The following PLD3 variants were observed in gnomAD, a reference collection of about 807,000 sequenced individuals.
PLD3 encodes 5'-3' exonuclease PLD3.
In PLD3, 31 loss-of-function variants were observed where a neutral mutation model predicts 58.4. The ratio of observed to expected loss-of-function variants is 0.53; its 90% CI spans 0.40 to 0.72. The LOEUF is 0.72. Among genes scored for constraint, PLD3 ranks in the 30% least tolerant of loss-of-function variants. PLD3 has a pLI of 0.00. For synonymous variants in PLD3, 264 were observed against 273.4 expected (o/e 0.97, Z 0.34); for missense variants, 595 against 659.8 (o/e 0.90, Z 1.08).
At chr19:40,374,064 G>A (rs1279658311) in intron 9 of PLD3, among the ~76,000 whole-genome samples, 1 of 151,886 alleles carries the variant, frequency 6.6e-6, no homozygotes, top group Non-Finnish European at 1.5e-5. Context: ...AGCTGGGCGG[G>A]CTTGTTAAAA....
chr19:40,349,323 G>A (rs1222102173), intron 1 of PLD3, among the ~76,000 whole-genome samples: 6 of 151,934 alleles, frequency 3.9e-5, no homozygotes, highest in Non-Finnish European at 8.8e-5. Flanking sequence ...CTGTTCCTCT[G>A]ACCAGTCACC....
At chr19:40,364,388 C>T (rs893617869) in intron 1 of PLD3, among the ~76,000 whole-genome samples, 6 of 151,710 alleles carry the variant, frequency 4.0e-5, no homozygotes, top group Non-Finnish European at 5.9e-5. Context: ...TGTGGTGGCT[C>T]ATGCCTGTAA....
At chr19:40,377,211 G>A (rs12977914) in intron 11 of PLD3, among the ~76,000 whole-genome samples, 1 of 106,392 alleles carries the variant, frequency 9.4e-6, no homozygotes, top group Non-Finnish European at 2.0e-5. Context: ...GCAGAGGGGT[G>A]AGGGCTGGGG....
chr19:40,359,425 G>A (rs1218982758), intron 1 of PLD3: 1 of 152,148 alleles, frequency 6.6e-6, no homozygotes, highest in African/African-American at 2.4e-5. Context: ...CGCGCTGGGA[G>A]CCCCATGGAG....
intron 1 of PLD3, among the ~76,000 whole-genome samples, chr19:40,363,123 A>G (rs1371446552): frequency 1.3e-5 from 2 of 152,118 alleles, no homozygotes; most frequent in Non-Finnish European, 2.9e-5. Flanking sequence ...TGACGCTGCC[A>G]GCCCTGTTAC....
chr19:40,361,079 C>T (rs1434762975), intron 1 of PLD3, among the ~76,000 whole-genome samples: 1 of 151,676 alleles, frequency 6.6e-6, no homozygotes, highest in Non-Finnish European at 1.5e-5. Flanking sequence ...GCCAGGAGTT[C>T]AAGAGTAGCC....
chr19:40,366,552 G>C, intron 3 of PLD3, 42 bp downstream of exon 3: 1 of 1,593,858 alleles, frequency 6.3e-7, no homozygotes, highest in Non-Finnish European at 8.6e-7. Context: ...ACTGGGTACA[G>C]TGGGGGTGGG....
At chr19:40,364,479 A>G (rs2078864957) in intron 1 of PLD3, among the ~76,000 whole-genome samples, 1 of 150,240 alleles carries the variant, frequency 6.7e-6, no homozygotes, top group Non-Finnish European at 1.5e-5. Context: ...GACCCCGTCT[A>G]TACAAAATTA....
At chr19:40,349,249 A>G in intron 1 of PLD3, among the ~76,000 whole-genome samples, 1 of 152,022 alleles carries the variant, frequency 6.6e-6, no homozygotes, top group East Asian at 1.9e-4. Flanking sequence ...CTCTTCTTAA[A>G]TCGCGCTAAT....
At chr19:40,376,909 G>A in intron 11 of PLD3, 135 bp downstream of exon 11, 1 of 860,506 alleles carries the variant, frequency 1.2e-6, no homozygotes, top group Non-Finnish European at 1.8e-6. Flanking sequence ...CATGGGTCAG[G>A]GCCAGGGTCA....
At chr19:40,363,165 TTTTG>T (rs1282313096) in intron 1 of PLD3, among the ~76,000 whole-genome samples, 1 of 152,198 alleles carries the variant, frequency 6.6e-6, no homozygotes, top group Non-Finnish European at 1.5e-5. Context: ...TTGCCTTCGG[TTTTG>T]TTTTTCTTCA....
At chr19:40,367,372 G>T in intron 5 of PLD3, 1 of 278,746 alleles carries the variant, frequency 3.6e-6, no homozygotes, top group Non-Finnish European at 6.7e-6. Context: ...CTTGAGCCCA[G>T]GAGTTCCAGA....
chr19:40,376,826 G>C, intron 11 of PLD3, 52 bp downstream of exon 11: 5 of 1,524,570 alleles, frequency 3.3e-6, no homozygotes, highest in Non-Finnish European at 4.5e-6. Flanking sequence ...CAGTCCTAGG[G>C]ACACAGCCCT....
rs542160738 is a variant in PLD3, at chr19:40,374,754, C to CA, written c.1019+135dup. The stretch of plus-strand genomic sequence containing the variant: ...AAGAGAAGCTGCAGGGAGAGACAGT[C>CA]ACCAGGAGGTGACCGGAAGAAGGTA... On this transcript the variant is annotated intron_variant, in intron 10 of 12. Transcript: ENST00000409735. 6.2e-5 allele frequency: 58 copies of CA among 929,448 alleles called. 1 individual carries two copies. In the South Asian group the frequency reaches 8.3e-4, roughly 13 times the overall value. 57.6% of individuals were successfully genotyped at this position (929,448 alleles called of 1,614,324 possible).
rs199512681 is a variant in PLD3, at chr19:40,363,070, CCTT to C, written c.-278-2647_-278-2645del. Among the ~76,000 whole-genome samples, 1,223 of 152,058 alleles carry C rather than the reference CCTT, an allele frequency of 8.0e-3. 25 individuals carry two copies. The highest frequency in any genetic ancestry group is 0.028 in the African/African-American group (1,166 of 41,484). ...GTGAGCCACGGTGCCAGGCCTTTCT[CCTT>C]ATTTTTGGTTTATTAGTGACCATCC... On this transcript the variant is annotated intron_variant, in intron 1 of 12. Coordinates refer to ENST00000409735, the MANE Select transcript of PLD3 (RefSeq NM_012268.4).
Position 40,376,676 on chromosome 19 carries a change from C to T in PLD3, c.1087C>T (p.Leu363Phe). Residue 363 changes from leucine to phenylalanine, a missense_variant, in exon 11 of 13, where the codon CTC (leucine) becomes TTC (phenylalanine). Transcript: ENST00000409735. Reference protein sequence around the residue: ...TYERGVKVRLLISCWGHSEPS... With the variant: ...TYERGVKVRLFISCWGHSEPS... ...CGAGCGTGGCGTCAAGGTGCGCCTG[C>T]TCATCAGCTGCTGGGGACACTCGGA... 6.2e-7 allele frequency: 1 copy of T among 1,606,554 alleles called. No individual in the cohort carries two copies. Among genetic ancestry groups the T allele is most frequent in the Non-Finnish European group, 8.5e-7 (1 of 1,179,974 alleles).
At position 40,376,713 on chromosome 19, in the gene PLD3, G is replaced by A. The variant is rs374352480; in HGVS notation, c.1124G>A (p.Arg375Gln). The A allele has an allele frequency of 4.7e-5, 75 of 1,603,032 alleles. No homozygotes were observed. The highest frequency in any genetic ancestry group is 4.5e-5 in the Non-Finnish European group (53 of 1,179,960). The part of the protein sequence containing the change: ...SCWGHSEPSM[R>Q]AFLLSLAALR... ...TGGGGACACTCGGAGCCATCCATGC[G>A]GGCCTTCCTGCTCTCTCTGGCTGCC... Residue 375 changes from arginine to glutamine, a missense_variant, in exon 11 of 13, where the codon CGG (arginine) becomes CAG (glutamine). By Grantham distance (43) the Arg-to-Gln change is conservative. Transcript: ENST00000409735.
chr19:40,353,335 C>T (rs1045560404), intron 1 of PLD3, among the ~76,000 whole-genome samples: 15 of 152,056 alleles, frequency 9.9e-5, no homozygotes, highest in Non-Finnish European at 1.5e-4. Flanking sequence ...GAGGTTGAGA[C>T]ATGAGAATCA....
At position 40,377,968 on chromosome 19, in the gene PLD3, C is replaced by G; in HGVS notation, c.1286-18C>G. 1 of 1,612,124 alleles carries G rather than the reference C, an allele frequency of 6.2e-7. No homozygotes were observed. Among genetic ancestry groups the G allele is most frequent in the South Asian group, 1.1e-5 (1 of 90,984 alleles). ...GGCCCCCCGAGGGTGCCCTTATGCT[C>G]CACCCATTCCTCTCTAGGAACCTCC... On this transcript the variant is annotated intron_variant, in intron 12 of 12. Coordinates refer to ENST00000409735, the MANE Select transcript of PLD3 (RefSeq NM_012268.4).
Sources: gnomAD v4.1 joint callset for allele counts (sites outside exome capture counted in the v4.1 genomes callset) on GRCh38, gnomAD v4.1.1 for gene constraint, MANE v1.5 for transcripts, NCBI Gene and HGNC (gene_info 2026-07-23, HGNC 2026-07-21) for gene names.